Variants in CALCR observed in about 807,000 individuals in gnomAD.
CALCR encodes the protein calcitonin receptor.
In CALCR, 47 loss-of-function variants were observed where a neutral mutation model predicts 59.5. That is an observed-to-expected ratio of 0.79 (90% confidence interval 0.63 to 1.01). CALCR has a LOEUF of 1.01. CALCR is among the 50% of genes least tolerant of loss of function. The pLI is 0.00. For missense variants in CALCR, 566 were observed against 597.1 expected, an observed-to-expected ratio of 0.95 and a Z score of 0.54; for synonymous variants, 213 against 211.3, an observed-to-expected ratio of 1.01 and a Z score of -0.07.
chr7:93,454,853 C>T (rs1800177239), intron 8 of CALCR, among the ~76,000 whole-genome samples: 1 of 151,316 alleles, frequency 6.6e-6, no homozygotes, highest in Admixed American at 6.6e-5. Context: ...GAAGAAACTA[C>T]TTTAATGGGA....
chr7:93,520,336 A>G (rs1801735955), intron 2 of CALCR, among the ~76,000 whole-genome samples: 1 of 152,092 alleles, frequency 6.6e-6, no homozygotes, highest in Admixed American at 6.6e-5. Flanking sequence ...GATAATTTTT[A>G]CTTTCTTGAC....
chr7:93,571,936 G>T (rs1366182702), intron 2 of CALCR, among the ~76,000 whole-genome samples: 1 of 152,090 alleles, frequency 6.6e-6, no homozygotes, highest in Non-Finnish European at 1.5e-5. Flanking sequence ...TTTCAAAAGG[G>T]TACGTATTTG....
chr7:93,547,702 TCCTCA>T (rs1247959270), intron 2 of CALCR, among the ~76,000 whole-genome samples: 16 of 152,174 alleles, frequency 1.1e-4, no homozygotes, highest in Admixed American at 5.2e-4. Flanking sequence ...CAATTATGTT[TCCTCA>T]CATTTGGAAA....
At chr7:93,535,238 G>C (rs1472352711) in intron 2 of CALCR, among the ~76,000 whole-genome samples, 1 of 151,644 alleles carries the variant, frequency 6.6e-6, no homozygotes, top group South Asian at 2.1e-4. Context: ...AGTACAATCA[G>C]CATTTCCTAT....
chr7:93,573,662 T>C (rs1790053237), intron 2 of CALCR, among the ~76,000 whole-genome samples: 1 of 152,244 alleles, frequency 6.6e-6, no homozygotes. Flanking sequence ...GGAATTAATT[T>C]GTTACAGCTT....
chr7:93,477,585 C>T lies in CALCR; in HGVS notation c.289G>A (p.Asp97Asn), dbSNP rs1221838663. ...GATGGATCAAAATCCGGAAAATAAT[C>T]TGGGCAGAACTGATAGGACAATACT... is the stretch of plus-strand genomic sequence containing the variant. ...AGVLSYQFCPDYFPDFDPSEK... is the reference protein window; with the variant it reads ...AGVLSYQFCPNYFPDFDPSEK... The change falls in exon 5 of 14, where the codon GAT becomes AAT. Residue 97 changes from aspartate (D) to asparagine (N), a missense_variant. By Grantham distance (23) the Asp-to-Asn change is conservative. Coordinates refer to ENST00000426151, the MANE Select transcript of CALCR (RefSeq NM_001742.4). The T allele has an allele frequency of 6.2e-7, 1 of 1,609,856 alleles. No individual in the cohort carries two copies. Among genetic ancestry groups the T allele is most frequent in the Non-Finnish European group, 8.5e-7 (1 of 1,177,460 alleles).
chr7:93,439,688 A>G (rs1799858584), intron 9 of CALCR, among the ~76,000 whole-genome samples: 1 of 152,060 alleles, frequency 6.6e-6, no homozygotes, highest in Admixed American at 6.6e-5. Context: ...GAGATTCAGA[A>G]TAATCCTGTC....
intron 2 of CALCR, among the ~76,000 whole-genome samples, chr7:93,531,925 C>T (rs7810544): frequency 0.12 from 18,954 of 151,840 alleles, 2,058 homozygotes; most frequent in East Asian, 0.36. Flanking sequence ...ATACTTAGTA[C>T]ATATACCAGA....
At chr7:93,480,852 C>T (rs923475443) in intron 3 of CALCR, among the ~76,000 whole-genome samples, 2 of 151,776 alleles carry the variant, frequency 1.3e-5, no homozygotes, top group Non-Finnish European at 2.9e-5. Context: ...ATGGAGGGAC[C>T]TTTCCCACAA....
chr7:93,503,554 C>T (rs1316664755), intron 2 of CALCR, among the ~76,000 whole-genome samples: 4 of 151,872 alleles, frequency 2.6e-5, no homozygotes, highest in African/African-American at 9.7e-5. Flanking sequence ...TTTTGCTTGC[C>T]TGCATTTTCT....
chr7:93,554,155 C>T (rs1563018752), intron 2 of CALCR, among the ~76,000 whole-genome samples: 1 of 152,124 alleles, frequency 6.6e-6, no homozygotes, highest in East Asian at 1.9e-4. Flanking sequence ...TGTCAAATTA[C>T]CACAAGACTG....
intron 12 of CALCR, 108 bp from the exon 13 acceptor site, chr7:93,434,402 A>G (rs936817273): frequency 1.4e-5 from 10 of 690,300 alleles, no homozygotes; most frequent in East Asian, 7.9e-5. Flanking sequence ...AAAAAAAAAA[A>G]GCAAGAAAAA....
chr7:93,525,070 T>C (rs1208934036), intron 2 of CALCR, among the ~76,000 whole-genome samples: 1 of 152,168 alleles, frequency 6.6e-6, no homozygotes, highest in Non-Finnish European at 1.5e-5. Context: ...GGGAAAGTCT[T>C]ATGATCAAAA....
intron 2 of CALCR, among the ~76,000 whole-genome samples, chr7:93,497,306 T>C (rs1236125207): frequency 6.6e-6 from 1 of 151,672 alleles, no homozygotes; most frequent in Non-Finnish European, 1.5e-5. Flanking sequence ...ATTGAGCACA[T>C]TGAGCTCTTA....
At chr7:93,500,329 T>A (rs1801295757) in intron 2 of CALCR, among the ~76,000 whole-genome samples, 1 of 151,938 alleles carries the variant, frequency 6.6e-6, no homozygotes, top group Non-Finnish European at 1.5e-5. Context: ...AACATTCTGT[T>A]TGGTTCTGAT....
At chr7:93,538,195 C>A (rs1789043293) in intron 2 of CALCR, among the ~76,000 whole-genome samples, 1 of 151,876 alleles carries the variant, frequency 6.6e-6, no homozygotes, top group Admixed American at 6.6e-5. Context: ...GTGGTTATTA[C>A]AATAACAAAA....
At chr7:93,519,739 G>A (rs1056834853) in intron 2 of CALCR, among the ~76,000 whole-genome samples, 2 of 151,898 alleles carry the variant, frequency 1.3e-5, no homozygotes, top group African/African-American at 4.8e-5. Flanking sequence ...AATCATGGGG[G>A]CGATACTCCC....
chr7:93,527,355 A>G (rs1200194922), intron 2 of CALCR, among the ~76,000 whole-genome samples: 1 of 151,494 alleles, frequency 6.6e-6, no homozygotes, highest in African/African-American at 2.4e-5. Flanking sequence ...ACTGAAAAGC[A>G]TAAATGTATA....
At chr7:93,506,297 G>GT (rs1239166301) in intron 2 of CALCR, among the ~76,000 whole-genome samples, 3 of 152,078 alleles carry the variant, frequency 2.0e-5, no homozygotes, top group Admixed American at 1.3e-4. Flanking sequence ...GGAGGATTAG[G>GT]TTTTTTGGGG....
Sources: gnomAD v4.1 joint callset for allele counts (sites outside exome capture counted in the v4.1 genomes callset) on GRCh38, gnomAD v4.1.1 for gene constraint, MANE v1.5 for transcripts, NCBI Gene and HGNC (gene_info 2026-07-23, HGNC 2026-07-21) for gene names.